The following LRMDA variants were observed in gnomAD, a reference collection of about 807,000 sequenced individuals.
LRMDA encodes the protein leucine rich melanocyte differentiation associated, also known as leucine-rich melanocyte differentiation-associated protein.
Under a neutral mutation model 29.8 loss-of-function variants are expected in LRMDA, and 18 were observed. That is an observed-to-expected ratio of 0.60 (90% CI 0.42 to 0.90). LRMDA has a LOEUF of 0.90. Ranked by LOEUF, LRMDA falls within the 40% of genes least tolerant of loss-of-function variation. The pLI is 0.00. For missense variants in LRMDA, 273 were observed against 273.9 expected (o/e 1.00, Z 0.02); for synonymous variants, 125 against 109.4 (o/e 1.14, Z -0.89).
At chr10:75,445,476 A>G (rs1844381720) in intron 2 of LRMDA, among the ~76,000 whole-genome samples, 2 of 152,348 alleles carry the variant, frequency 1.3e-5, no homozygotes, top group East Asian at 1.9e-4. Context: ...TTCTTCCAAG[A>G]GTATTTGAAT....
chr10:76,177,110 G>A (rs907399677), intron 5 of LRMDA, among the ~76,000 whole-genome samples: 1 of 152,198 alleles, frequency 6.6e-6, no homozygotes, highest in Non-Finnish European at 1.5e-5. Flanking sequence ...TTTAGGAACA[G>A]GGCTGCGTAT....
intron 2 of LRMDA, among the ~76,000 whole-genome samples, chr10:75,568,376 T>A (rs1167804885): frequency 6.6e-6 from 1 of 152,256 alleles, no homozygotes; most frequent in Non-Finnish European, 1.5e-5. Flanking sequence ...TTTCTTTTTA[T>A]ATAATTCCAG....
At chr10:75,945,493 C>T (rs1846461508) in intron 2 of LRMDA, among the ~76,000 whole-genome samples, 1 of 152,158 alleles carries the variant, frequency 6.6e-6, no homozygotes, top group Non-Finnish European at 1.5e-5. Flanking sequence ...GCATTTTAGC[C>T]ACTCCATCTT....
chr10:75,569,438 T>C (rs1157509429), intron 2 of LRMDA, among the ~76,000 whole-genome samples: 2 of 152,228 alleles, frequency 1.3e-5, no homozygotes, highest in Non-Finnish European at 2.9e-5. Flanking sequence ...TGTTTAGCTT[T>C]GTTATAAAAG....
chr10:75,775,334 C>T (rs1720227674), intron 2 of LRMDA, among the ~76,000 whole-genome samples: 1 of 152,248 alleles, frequency 6.6e-6, no homozygotes, highest in African/African-American at 2.4e-5. Flanking sequence ...CAGCACACTA[C>T]AGCCTCAAAC....
chr10:76,255,295 C>G (rs935572529), intron 5 of LRMDA, among the ~76,000 whole-genome samples: 2 of 152,130 alleles, frequency 1.3e-5, no homozygotes, highest in African/African-American at 4.8e-5. Context: ...ACAATTAATA[C>G]TACCAAAGAA....
At chr10:76,218,723 A>G (rs139731490) in intron 5 of LRMDA, among the ~76,000 whole-genome samples, 118 of 152,308 alleles carry the variant, frequency 7.7e-4, no homozygotes, top group Non-Finnish European at 1.5e-3. Context: ...GGTGGATCAA[A>G]TCACCATTTT....
chr10:76,418,387 CATTAT>C (rs1289202801), intron 6 of LRMDA, among the ~76,000 whole-genome samples: 1 of 151,006 alleles, frequency 6.6e-6, no homozygotes, highest in Non-Finnish European at 1.5e-5. Context: ...GTACATATTT[CATTAT>C]ATTTATATGT....
intron 3 of LRMDA, among the ~76,000 whole-genome samples, chr10:76,044,296 T>A (rs1848391125): frequency 1.3e-5 from 2 of 151,982 alleles, no homozygotes; most frequent in African/African-American, 4.8e-5. Context: ...AGGCCTGGGG[T>A]ACTCTACCTG....
chr10:76,133,506 C>G (rs1016319874), intron 5 of LRMDA, among the ~76,000 whole-genome samples: 1 of 152,104 alleles, frequency 6.6e-6, no homozygotes, highest in Non-Finnish European at 1.5e-5. Context: ...TTCAGGCCCC[C>G]GGGTGCAGGT....
chr10:76,035,637 C>T (rs955937154), intron 2 of LRMDA, among the ~76,000 whole-genome samples: 3 of 152,144 alleles, frequency 2.0e-5, no homozygotes, highest in Non-Finnish European at 4.4e-5. Context: ...TGAACTGTGA[C>T]AGAGTTATTT....
rs372628755 is a variant in LRMDA at position 75,754,725 on chromosome 10, C to T, written c.132-281283C>T. 2.6e-5 allele frequency among the ~76,000 whole-genome samples: 4 copies of T among 151,750 alleles called. No individual in the cohort carries two copies. In the East Asian group the frequency reaches 5.8e-4, roughly 22 times the overall value. The stretch of plus-strand genomic sequence containing the variant: ...GCTGTTCTTTCTTTGATTTGTTTTT[C>T]CTTCTTTCTCCCCTTTTCCCCGTTT... On this transcript the variant is annotated intron_variant, in intron 2 of 6. Coordinates refer to ENST00000611255, the MANE Select transcript of LRMDA (RefSeq NM_001305581.2).
chr10:75,926,926 G>A (rs1363581401), intron 2 of LRMDA, among the ~76,000 whole-genome samples: 1 of 152,174 alleles, frequency 6.6e-6, no homozygotes, highest in East Asian at 1.9e-4. Flanking sequence ...CACTTGTCAC[G>A]GATCTGGGTT....
At position 76,230,783 on chromosome 10, in the gene LRMDA, A is replaced by G. The variant is rs185448585; in HGVS notation, c.517-93618A>G. 1.4e-4 allele frequency among the ~76,000 whole-genome samples: 21 copies of G among 152,346 alleles called. 1 individual carries two copies. The highest frequency in any genetic ancestry group is 4.6e-4 in the African/African-American group (19 of 41,586). On this transcript the variant is annotated intron_variant, in intron 5 of 6. Transcript: ENST00000611255. ...AAACTGAGAGATCCATCTCCCATAC[A>G]TTGTAATGAATAGGTTCATAAAAGG... is the stretch of plus-strand genomic sequence containing the variant.
chr10:75,485,858 G>A (rs1276277403), intron 2 of LRMDA, among the ~76,000 whole-genome samples: 2 of 152,204 alleles, frequency 1.3e-5, no homozygotes, highest in Admixed American at 6.5e-5. Flanking sequence ...GGTTACAGAT[G>A]TGAGCCACTG....
chr10:75,499,489 AG>A (rs1845087385), intron 2 of LRMDA, among the ~76,000 whole-genome samples: 1 of 152,206 alleles, frequency 6.6e-6, no homozygotes, highest in African/African-American at 2.4e-5. Context: ...TGAAAAATGG[AG>A]ATGATAATAG....
At chr10:75,789,620 G>A (rs949609535) in intron 2 of LRMDA, among the ~76,000 whole-genome samples, 3 of 152,166 alleles carry the variant, frequency 2.0e-5, no homozygotes, top group African/African-American at 7.2e-5. Context: ...TGACAATTCA[G>A]TTATGTTTCT....
chr10:75,761,860 G>T (rs1271529571), intron 2 of LRMDA, among the ~76,000 whole-genome samples: 2 of 148,498 alleles, frequency 1.3e-5, no homozygotes, highest in South Asian at 4.3e-4. Flanking sequence ...CTGGAATGCA[G>T]TGGTATCTTG....
chr10:76,552,441 G>C (rs1236552177), intron 6 of LRMDA, among the ~76,000 whole-genome samples: 1 of 152,224 alleles, frequency 6.6e-6, no homozygotes. Context: ...GGGGTTACAG[G>C]CTGGATGGGT....
Sources: allele counts gnomAD v4.1 joint callset (sites outside exome capture counted in the v4.1 genomes callset), GRCh38; gene constraint gnomAD v4.1.1; transcripts MANE v1.5; gene names NCBI Gene and HGNC (gene_info 2026-07-23, HGNC 2026-07-21).